NOXO1: variants seen among roughly 807,000 people sequenced by gnomAD.
NOXO1 encodes NADPH oxidase regulatory protein.
In NOXO1, 38 loss-of-function variants were observed where a neutral mutation model predicts 33.3. That is an observed-to-expected ratio of 1.14 (90% CI 0.88 to 1.50). The LOEUF is 1.50. Ranked by LOEUF, NOXO1 falls within the 40% of genes most tolerant of loss-of-function variation. The pLI, the probability that NOXO1 is intolerant of heterozygous loss-of-function variation, is 0.00. For missense variants in NOXO1, 675 were observed against 527.1 expected (o/e 1.28, Z -2.75); for synonymous variants, 302 against 237.3 (o/e 1.27, Z -2.51).
chr16:1,980,603 C>T (rs760390471), intron 3 of NOXO1, 53 bp downstream of exon 3: 2 of 1,589,354 alleles, frequency 1.3e-6, no homozygotes, highest in East Asian at 2.3e-5. Context: ...TGGTCCCTGG[C>T]GCCCCCAGGC....
Position 1,979,509 on chromosome 16 carries a change from C to G in NOXO1, c.734G>C (p.Ser245Thr). The G allele has an allele frequency of 1.2e-6, 2 of 1,611,664 alleles. No individual in the cohort carries two copies. The highest frequency in any genetic ancestry group is 1.7e-6 in the Non-Finnish European group (2 of 1,179,252). ...PQFCASRAYE[S>T]SRADELSVPA... ...CACGGACAGCTCATCTGCGCGGCTG[C>G]TCTCGTAGGCGCGGGAAGCACAGAA... Residue 245 changes from serine to threonine, a missense_variant, in exon 7 of 8, where the codon AGC becomes ACC. Transcript: ENST00000356120.
rs766609618 is a variant in NOXO1, at chr16:1,979,416, C to G, written c.818+9G>C. ...CTAGCCTGCCCTGCCCACGCCCGCT[C>G]CCGCGTACCTGCATAGCCACCAGCC... is the stretch of plus-strand genomic sequence containing the variant. On this transcript the variant is annotated intron_variant, in intron 7 of 7. Transcript: ENST00000356120. 1.2e-6 allele frequency: 2 copies of G among 1,605,790 alleles called. No homozygotes were observed. Among genetic ancestry groups the G allele is most frequent in the Non-Finnish European group, 8.5e-7 (1 of 1,178,290 alleles).
Position 1,980,361 on chromosome 16 carries a change from A to T in NOXO1, c.401+6T>A. The T allele has an allele frequency of 6.3e-7, 1 of 1,598,728 alleles. No individual in the cohort carries two copies. The highest frequency in any genetic ancestry group is 8.5e-7 in the Non-Finnish European group (1 of 1,178,118). On this transcript the variant is annotated splice_donor_region_variant and intron_variant, in intron 4 of 7. Coordinates refer to ENST00000356120, the MANE Select transcript of NOXO1 (RefSeq NM_172167.3). ...GCATGCTGGGAGTTTGGGGCGAGTCAGGCACCTGCCGGGTGGCAGCGCGGG... is the reference window on the plus strand; with the variant it reads ...GCATGCTGGGAGTTTGGGGCGAGTCTGGCACCTGCCGGGTGGCAGCGCGGG...
At chr16:1,979,735 C>CTTGCCACACGGCT in intron 6 of NOXO1, 55 bp downstream of exon 6, 2 of 1,386,934 alleles carry the variant, frequency 1.4e-6, no homozygotes, top group Non-Finnish European at 1.9e-6. Context: ...CTGGCCCAGT[C>CTTGCCACACGGCT]TTGCCACACG....
Position 1,979,102 on chromosome 16 carries a change from GGCCCTGGC to G in NOXO1, c.1058_1065del (p.Arg353ProfsTer57), listed in dbSNP as rs758076871. On this transcript the variant is annotated frameshift_variant, in exon 8 of 8. Coordinates refer to ENST00000356120, the MANE Select transcript of NOXO1 (RefSeq NM_172167.3). LOFTEE classifies it low-confidence loss of function (END_TRUNC). ...ACAGAGTCCACGCACCCTCGAGGGC[GGCCCTGGC>G]GCCGTGGGCGCCGCTCCAGGGCCCT... The G allele has an allele frequency of 6.7e-7, 1 of 1,499,794 alleles. No individual in the cohort carries two copies. The highest frequency in any genetic ancestry group is 1.3e-5 in the South Asian group (1 of 78,904). The allele number at this position is 1,499,794 out of a possible 1,614,324, so 92.9% of individuals were successfully genotyped here.
chr16:1,981,078 TCCCTTGGGG>T, intron 1 of NOXO1, 27 bp downstream of exon 1: 1 of 1,610,378 alleles, frequency 6.2e-7, no homozygotes, highest in Non-Finnish European at 8.5e-7. Flanking sequence ...CCCCTTCCTA[TCCCTTGGGG>T]CCACTAAGGA....
Position 1,981,026 on chromosome 16 carries a change from GA to G in NOXO1, c.67-8del, listed in dbSNP as rs756040464. Reference sequence around the variant, plus strand: ...GCACAGAGAAGGCAAACGTCTGGGGGACAAAAAGTTGGGAGTGCCGTGGAGG... The same window carrying G: ...GCACAGAGAAGGCAAACGTCTGGGGGCAAAAAGTTGGGAGTGCCGTGGAGG... On this transcript the variant is annotated splice_polypyrimidine_tract_variant and splice_region_variant and intron_variant, in intron 1 of 7. Transcript: ENST00000356120. 1.2e-6 allele frequency: 2 copies of G among 1,613,296 alleles called. No homozygotes were observed. Among genetic ancestry groups the G allele is most frequent in the Non-Finnish European group, 1.7e-6 (2 of 1,179,910 alleles).
chr16:1,981,087 G>A (rs1842981023), intron 1 of NOXO1, 27 bp downstream of exon 1: 1 of 1,610,156 alleles, frequency 6.2e-7, no homozygotes, highest in Non-Finnish European at 8.5e-7. Flanking sequence ...ATCCCTTGGG[G>A]CCACTAAGGA....
chr16:1,980,060 G>A lies in NOXO1; in HGVS notation c.523C>T (p.Arg175Trp), dbSNP rs200679548. The A allele has an allele frequency of 1.0e-4, 168 of 1,607,366 alleles. No homozygotes were observed. Among genetic ancestry groups the A allele is most frequent in the Middle Eastern group, 1.9e-4 (1 of 5,316 alleles). The change falls in exon 5 of 8, where the codon CGG becomes TGG. Residue 175 changes from arginine (R) to tryptophan (W), a missense_variant. By Grantham distance (101) the Arg-to-Trp change is moderately radical. Transcript: ENST00000356120. ...GCCTGCGCCTGAAAAGGCCTATCCC[G>A]CGTGTCCTGGGTACAGAAGGGCTGC... Reference protein sequence around the residue: ...CLQPFCTQDTRDRPFQAQAQE... With the variant: ...CLQPFCTQDTWDRPFQAQAQE...
chr16:1,979,070 G>T lies in NOXO1; in HGVS notation c.1098C>A (p.His366Gln). 1 of 1,540,888 alleles carries T rather than the reference G, an allele frequency of 6.5e-7. No individual in the cohort carries two copies. Among genetic ancestry groups the T allele is most frequent in the Admixed American group, 2.0e-5 (1 of 49,486 alleles). The change falls in exon 8 of 8, where the codon CAC becomes CAA. Residue 366 changes from histidine (H) to glutamine (Q), a missense_variant. Coordinates refer to ENST00000356120, the MANE Select transcript of NOXO1 (RefSeq NM_172167.3). The part of the protein sequence containing the change: ...RPRGCVDSVP[H>Q]PTTEQ ...CTCGCGCTCACTGCTCCGTCGTGGG[G>T]TGCGGCACAGAGTCCACGCACCCTC... is the stretch of plus-strand genomic sequence containing the variant.
In NOXO1 at chr16:1,979,416, C is replaced by T. The variant is rs766609618; in HGVS notation, c.818+9G>A. On this transcript the variant is annotated intron_variant, in intron 7 of 7. Transcript: ENST00000356120. ...CTAGCCTGCCCTGCCCACGCCCGCT[C>T]CCGCGTACCTGCATAGCCACCAGCC... 1.9e-6 allele frequency: 3 copies of T among 1,605,672 alleles called. No homozygotes were observed. Among genetic ancestry groups the T allele is most frequent in the South Asian group, 2.2e-5 (2 of 90,782 alleles).
At position 1,981,196 on chromosome 16, in the gene NOXO1, C is replaced by A. The variant is rs368624768; in HGVS notation, c.-17G>T. 6.2e-7 allele frequency: 1 copy of A among 1,613,422 alleles called. No individual in the cohort carries two copies. Among genetic ancestry groups the A allele is most frequent in the Non-Finnish European group, 8.5e-7 (1 of 1,179,982 alleles). ...GCCTGCCATGGCTGTGGCTTCCAGG[C>A]TGCAGATTCCTGAAATGGGCGAGGA... On this transcript the variant is annotated 5_prime_UTR_variant, in exon 1 of 8. Coordinates refer to ENST00000356120, the MANE Select transcript of NOXO1 (RefSeq NM_172167.3).
At chr16:1,979,591 G>T in intron 6 of NOXO1, 49 bp from the exon 7 acceptor site, 1 of 1,484,940 alleles carries the variant, frequency 6.7e-7, no homozygotes, top group Non-Finnish European at 9.3e-7. Flanking sequence ...AGAGGACGAG[G>T]CCCGCCCGCA....
At position 1,979,848 on chromosome 16, in the gene NOXO1, G is replaced by C. The variant is rs750953595; in HGVS notation, c.642C>G (p.Tyr214Ter). 1 of 1,580,564 alleles carries C rather than the reference G, an allele frequency of 6.3e-7. No homozygotes were observed. Among genetic ancestry groups the C allele is most frequent in the Non-Finnish European group, 8.6e-7 (1 of 1,164,570 alleles). Residue 214 changes from tyrosine (Y) to a stop codon, truncating the protein, a stop_gained, in exon 6 of 8, where the codon TAC becomes TAG. Transcript: ENST00000356120. LOFTEE classifies it high-confidence loss of function. ...DRQTAWFPAP[Y>*]LEEAAPGQGR... ...CTTGGCCCGGGGCCGCCTCCTCCAG[G>C]TAGGGCGCTGGAAACCAGGCGGTCT...
intron 2 of NOXO1, 89 bp downstream of exon 2, chr16:1,980,850 T>C: frequency 6.8e-7 from 1 of 1,461,478 alleles, no homozygotes; most frequent in Admixed American, 1.8e-5. Context: ...GGGCCTCCAG[T>C]GGGAGTCACT....
chr16:1,981,015 A>G lies in NOXO1; in HGVS notation c.71T>C (p.Phe24Ser). The G allele has an allele frequency of 1.9e-6, 3 of 1,613,252 alleles. No individual in the cohort carries two copies. The highest frequency in any genetic ancestry group is 2.5e-6 in the Non-Finnish European group (3 of 1,179,912). The change falls in exon 2 of 8, where the codon TTT becomes TCT. Residue 24 changes from phenylalanine to serine, a missense_variant. Transcript: ENST00000356120. ...GTCTGACCAGCGCACAGAGAAGGCA[A>G]ACGTCTGGGGGACAAAAAGTTGGGA... ...ALVQIKRLQT[F>S]AFSVRWSDGS...
Position 1,979,855 on chromosome 16 carries a change from G to T in NOXO1, c.635C>A (p.Ala212Glu), listed in dbSNP as rs1280721543. Residue 212 changes from alanine to glutamate, a missense_variant, in exon 6 of 8, where the codon GCG (alanine) becomes GAG (glutamate). By Grantham distance (107) the Ala-to-Glu change is moderately radical. Coordinates refer to ENST00000356120, the MANE Select transcript of NOXO1 (RefSeq NM_172167.3). ...CGGGGCCGCCTCCTCCAGGTAGGGC[G>T]CTGGAAACCAGGCGGTCTGCCGGTC... ...NEDRQTAWFPAPYLEEAAPGQ... is the reference protein window; with the variant it reads ...NEDRQTAWFPEPYLEEAAPGQ... 5.1e-6 allele frequency: 8 copies of T among 1,581,110 alleles called. No individual in the cohort carries two copies. The highest frequency in any genetic ancestry group is 6.0e-6 in the Non-Finnish European group (7 of 1,164,930).
In NOXO1 at chr16:1,979,195, TG is replaced by T; in HGVS notation, c.972del (p.Thr325ProfsTer86). 6 of 1,412,304 alleles carry T rather than the reference TG, an allele frequency of 4.2e-6. No individual in the cohort carries two copies. Among genetic ancestry groups the T allele is most frequent in the South Asian group, 1.4e-5 (1 of 72,090 alleles). The allele number at this position is 1,412,304 out of a possible 1,614,324, so 87.5% of individuals were successfully genotyped here. A position where few individuals can be genotyped will look rare whatever the true frequency, so the allele number is the denominator to read the frequency against. On this transcript the variant is annotated frameshift_variant, in exon 8 of 8. Coordinates refer to ENST00000356120, the MANE Select transcript of NOXO1 (RefSeq NM_172167.3). LOFTEE classifies it low-confidence loss of function (END_TRUNC). Reference sequence around the variant, plus strand: ...CCCGGCGAAGGTCGGGTGGGCACGGTGGGGGGAGGGGCGGTGGCCTGGGAGG... The same window carrying T: ...CCCGGCGAAGGTCGGGTGGGCACGGTGGGGGAGGGGCGGTGGCCTGGGAGG... ...PEPSQATAPPPTVPTRPSPGA... is the reference protein window; with the variant it reads ...PEPSQATAPPXTVPTRPSPGA...
rs774586915 is a variant in NOXO1 at position 1,980,196 on chromosome 16, C to T, written c.402-15G>A. 8.8e-6 allele frequency: 14 copies of T among 1,590,092 alleles called. No homozygotes were observed. The highest frequency in any genetic ancestry group is 5.4e-5 in the African/African-American group (4 of 74,734). On this transcript the variant is annotated splice_polypyrimidine_tract_variant and intron_variant, in intron 4 of 7. Transcript: ENST00000356120. ...GGATCACCCGGCTGGGAAGGGCAGC[C>T]CGTACGAGTGAGAGGTAGGCGGATG...
Sources: gnomAD v4.1 joint callset for allele counts on GRCh38, gnomAD v4.1.1 for gene constraint, MANE v1.5 for transcripts, NCBI Gene and HGNC (gene_info 2026-07-23, HGNC 2026-07-21) for gene names.